The following ZBTB7C variants were observed in gnomAD, a reference collection of about 807,000 sequenced individuals.
ZBTB7C encodes the protein zinc finger and BTB domain containing 7C, also known as zinc finger and BTB domain-containing protein 7C.
In ZBTB7C, 8 loss-of-function variants were observed where a neutral mutation model predicts 25.7. The ratio of observed to expected loss-of-function variants is 0.31; its 90% CI spans 0.18 to 0.56. The LOEUF (loss-of-function observed/expected upper bound fraction) is 0.56. Among genes scored for constraint, ZBTB7C ranks in the 20% least tolerant of loss-of-function variants. ZBTB7C has a pLI of 0.91. For synonymous variants in ZBTB7C, 394 were observed against 369.0 expected, an observed-to-expected ratio of 1.07 and a Z score of -0.78; for missense variants, 824 against 855.2, an observed-to-expected ratio of 0.96 and a Z score of 0.46.
rs139219390 is a variant in ZBTB7C at position 48,140,005 on chromosome 18, G to T, written c.-17+45929C>A. 2.0e-5 allele frequency among the ~76,000 whole-genome samples: 3 copies of T among 152,262 alleles called. No individual in the cohort carries two copies. The East Asian group carries it at 5.8e-4, about 29-fold the overall frequency. Reference sequence around the variant, plus strand: ...GGTCAGCCAGAGCACGTGGAAGCCCGCTGGCTTCACACGGCAAGCCTGCCC... The same window carrying T: ...GGTCAGCCAGAGCACGTGGAAGCCCTCTGGCTTCACACGGCAAGCCTGCCC... On this transcript the variant is annotated intron_variant, in intron 3 of 4. Transcript: ENST00000590800.
chr18:48,327,791 T>G (rs752605010), intron 2 of ZBTB7C, among the ~76,000 whole-genome samples: 7 of 152,168 alleles, frequency 4.6e-5, no homozygotes, highest in Non-Finnish European at 8.8e-5. Flanking sequence ...AATTAAAAGT[T>G]ACTGCTACCA....
Position 48,193,793 on chromosome 18 carries a change from CAGA to C in ZBTB7C, c.-78-7801_-78-7799del, listed in dbSNP as rs1202432745. ...GCATCCTGCCTCGTCAGTGTGGAGA[CAGA>C]AGCAGAATGAAGCCCCTTGGTCCAG... is the stretch of plus-strand genomic sequence containing the variant. On this transcript the variant is annotated intron_variant, in intron 2 of 4. Transcript: ENST00000590800. 2.0e-5 allele frequency among the ~76,000 whole-genome samples: 3 copies of C among 152,360 alleles called. No individual in the cohort carries two copies. In the East Asian group the frequency reaches 5.8e-4, roughly 29 times the overall value.
intron 3 of ZBTB7C, among the ~76,000 whole-genome samples, chr18:48,106,110 C>A (rs190426023): frequency 1.5e-4 from 23 of 152,340 alleles, no homozygotes; most frequent in Non-Finnish European, 2.8e-4. Context: ...CAGGAAGCTG[C>A]CTGCTCCCCA....
intron 1 of ZBTB7C, among the ~76,000 whole-genome samples, chr18:48,367,204 C>CATAT (rs1568404002): frequency 2.1e-5 from 1 of 48,660 alleles, no homozygotes; most frequent in Non-Finnish European, 3.7e-5. Context: ...TATATATATA[C>CATAT]ACACACACAC....
chr18:48,029,700 T>C lies in ZBTB7C; in HGVS notation c.1420A>G (p.Met474Val), dbSNP rs1172188520. The change falls in exon 5 of 5, where the codon ATG becomes GTG. Residue 474 changes from methionine to valine, a missense_variant. By Grantham distance (21) the Met-to-Val change is conservative. Around this residue, in one of 4 missense-constraint regions of ZBTB7C, gnomAD observed 342 missense variants for 307.0 expected, o/e 1.11. Transcript: ENST00000590800. ...HRHIKRQSCR[M>V]ARPRRGRKPA... ...TTGCGGCCGCGTCGGGGCCGTGCCA[T>C]GCGGCAGCTCTGGCGCTTGATGTGG... 2 of 1,601,368 alleles carry C rather than the reference T, an allele frequency of 1.2e-6. No individual in the cohort carries two copies.
chr18:48,395,995 A>G (rs1599036311), intron 1 of ZBTB7C, among the ~76,000 whole-genome samples: 5 of 152,234 alleles, frequency 3.3e-5, no homozygotes, highest in South Asian at 4.1e-4. Context: ...CTGTCACAAG[A>G]AATTCCAGCA....
At chr18:48,045,863 G>A (rs1047763744) in intron 3 of ZBTB7C, among the ~76,000 whole-genome samples, 1 of 152,228 alleles carries the variant, frequency 6.6e-6, no homozygotes, top group Non-Finnish European at 1.5e-5. Flanking sequence ...TATGGCAAGG[G>A]CTGTCCTTAG....
chr18:48,336,975 A>G (rs888069313), intron 2 of ZBTB7C, among the ~76,000 whole-genome samples: 1 of 152,060 alleles, frequency 6.6e-6, no homozygotes, highest in Non-Finnish European at 1.5e-5. Context: ...CCTGGAGCTC[A>G]ATTCTTTCTC....
chr18:48,318,648 G>A (rs2046011363), intron 2 of ZBTB7C, among the ~76,000 whole-genome samples: 1 of 152,216 alleles, frequency 6.6e-6, no homozygotes, highest in Admixed American at 6.5e-5. Flanking sequence ...ACTTGGCCCT[G>A]CTGCATACAC....
intron 1 of ZBTB7C, among the ~76,000 whole-genome samples, chr18:48,342,615 T>A: frequency 6.6e-6 from 1 of 152,206 alleles, no homozygotes; most frequent in East Asian, 1.9e-4. Flanking sequence ...CCTGCTCAAA[T>A]GTGTATGGAT....
chr18:48,114,910 G>A (rs964057097), intron 3 of ZBTB7C, among the ~76,000 whole-genome samples: 10 of 151,882 alleles, frequency 6.6e-5, no homozygotes, highest in Admixed American at 4.6e-4. Flanking sequence ...TTTATTTTTT[G>A]GGAAAATATG....
At chr18:48,259,283 C>G (rs576559619) in intron 2 of ZBTB7C, among the ~76,000 whole-genome samples, 2 of 125,932 alleles carry the variant, frequency 1.6e-5, no homozygotes, top group African/African-American at 3.7e-5. Flanking sequence ...AGTGTAAAAG[C>G]AATTCAATGG....
chr18:48,189,114 C>T (rs2042133348), intron 2 of ZBTB7C, among the ~76,000 whole-genome samples: 1 of 152,244 alleles, frequency 6.6e-6, no homozygotes, highest in Non-Finnish European at 1.5e-5. Context: ...GCCTTGCCTC[C>T]TTTCTCAGGG....
intron 3 of ZBTB7C, among the ~76,000 whole-genome samples, chr18:48,166,004 T>C (rs10048375): frequency 0.015 from 2,236 of 152,312 alleles, 59 homozygotes; most frequent in African/African-American, 0.051. Context: ...TTTTCCCAGA[T>C]TTTTTTGACT....
At chr18:48,263,865 A>G (rs982175624) in intron 2 of ZBTB7C, among the ~76,000 whole-genome samples, 1 of 152,206 alleles carries the variant, frequency 6.6e-6, no homozygotes, top group Non-Finnish European at 1.5e-5. Context: ...GCAATAATAT[A>G]CCATTTTATA....
In ZBTB7C at chr18:48,154,400, A is replaced by C. The variant is rs563538293; in HGVS notation, c.-17+31534T>G. Among the ~76,000 whole-genome samples, 366 of 152,326 alleles carry C rather than the reference A, an allele frequency of 2.4e-3. 2 individuals are homozygous for C. The highest frequency in any genetic ancestry group is 3.2e-3 in the Non-Finnish European group (221 of 68,022). ...GTTCTCTGGCACAGGACAAGGCCCGAGCTGTAACCAGGGAGAGCAGGGGAA... is the reference window on the plus strand; with the variant it reads ...GTTCTCTGGCACAGGACAAGGCCCGCGCTGTAACCAGGGAGAGCAGGGGAA... On this transcript the variant is annotated intron_variant, in intron 3 of 4. Coordinates refer to ENST00000590800, the MANE Select transcript of ZBTB7C (RefSeq NM_001318841.2).
At chr18:48,072,890 G>A (rs1361776518) in intron 3 of ZBTB7C, among the ~76,000 whole-genome samples, 4 of 152,176 alleles carry the variant, frequency 2.6e-5, no homozygotes, top group East Asian at 1.9e-4. Flanking sequence ...TGGCCTTCCC[G>A]ACAGAGCCAC....
At chr18:48,169,608 C>A (rs1457975797) in intron 3 of ZBTB7C, among the ~76,000 whole-genome samples, 1 of 152,200 alleles carries the variant, frequency 6.6e-6, no homozygotes, top group Admixed American at 6.5e-5. Flanking sequence ...ACCTGGCAAG[C>A]ACTGTGCCGT....
intron 3 of ZBTB7C, among the ~76,000 whole-genome samples, chr18:48,172,001 T>C (rs2041499113): frequency 6.6e-6 from 1 of 152,202 alleles, no homozygotes; most frequent in South Asian, 2.1e-4. Flanking sequence ...AAGAAGTAGC[T>C]CCAGCTCTTG....
Sources: gnomAD v4.1 joint callset for allele counts (sites outside exome capture counted in the v4.1 genomes callset) on GRCh38, gnomAD v4.1.1 for gene constraint, gnomAD v4.1.1 regional missense constraint, MANE v1.5 for transcripts, NCBI Gene and HGNC (gene_info 2026-07-23, HGNC 2026-07-21) for gene names.